The following ITFG1 variants were observed in gnomAD, a reference collection of about 807,000 sequenced individuals.
ITFG1 encodes the protein T-cell immunomodulatory protein.
A neutral mutation model predicts 81.8 loss-of-function variants in ITFG1; 34 were observed. The ratio of observed to expected loss-of-function variants is 0.42; its 90% CI spans 0.32 to 0.55. ITFG1 has a LOEUF of 0.55. ITFG1 is among the 20% of genes least tolerant of loss of function. ITFG1 has a pLI of 0.17. For synonymous variants in ITFG1, 285 were observed against 270.6 expected (o/e 1.05, Z -0.52); for missense variants, 672 against 755.4 (o/e 0.89, Z 1.29).
intron 10 of ITFG1, among the ~76,000 whole-genome samples, chr16:47,278,489 C>T (rs1966420328): frequency 1.3e-5 from 2 of 152,126 alleles, no homozygotes; most frequent in Non-Finnish European, 2.9e-5. Flanking sequence ...GAGCATTATG[C>T]ACAAGTGTCC....
At chr16:47,409,607 T>C (rs1338665891) in intron 6 of ITFG1, among the ~76,000 whole-genome samples, 2 of 148,966 alleles carry the variant, frequency 1.3e-5, no homozygotes, top group Non-Finnish European at 3.0e-5. Flanking sequence ...TTTGTAGAGA[T>C]GGAGTTTCAC....
At chr16:47,394,617 C>T (rs1483250297) in intron 6 of ITFG1, among the ~76,000 whole-genome samples, 1 of 151,776 alleles carries the variant, frequency 6.6e-6, no homozygotes, top group Non-Finnish European at 1.5e-5. Flanking sequence ...AATTAAGGTG[C>T]TTCCAAAAAT....
chr16:47,345,176 T>G (rs1967834795), intron 8 of ITFG1, among the ~76,000 whole-genome samples: 1 of 152,188 alleles, frequency 6.6e-6, no homozygotes, highest in Non-Finnish European at 1.5e-5. Context: ...GTGTCCAATC[T>G]TTTGGCTTCC....
At chr16:47,437,854 G>T (rs915661559) in intron 5 of ITFG1, among the ~76,000 whole-genome samples, 1 of 152,182 alleles carries the variant, frequency 6.6e-6, no homozygotes, top group Non-Finnish European at 1.5e-5. Flanking sequence ...TGGGTGCAGC[G>T]CACCGTGTGT....
chr16:47,238,064 C>T (rs1177963226), intron 12 of ITFG1, 56 bp from the exon 13 acceptor site: 4 of 936,916 alleles, frequency 4.3e-6, no homozygotes, highest in Non-Finnish European at 6.4e-6. Context: ...TTAAAGTGAG[C>T]TCTAATTTTC....
intron 10 of ITFG1, 114 bp from the exon 11 acceptor site, chr16:47,260,809 C>A: frequency 1.8e-6 from 2 of 1,106,962 alleles, no homozygotes; most frequent in East Asian, 2.5e-5. Context: ...TGAAATTACA[C>A]GAAAAAATCT....
chr16:47,252,896 G>C (rs983157259), intron 12 of ITFG1, among the ~76,000 whole-genome samples: 3 of 151,990 alleles, frequency 2.0e-5, no homozygotes, highest in African/African-American at 7.2e-5. Flanking sequence ...AGAGTGGAAG[G>C]GCATCTCAAA....
At chr16:47,205,580 T>C (rs749889533) in intron 14 of ITFG1, among the ~76,000 whole-genome samples, 3 of 152,188 alleles carry the variant, frequency 2.0e-5, no homozygotes, top group Non-Finnish European at 2.9e-5. Context: ...TCTGTGATTA[T>C]TCTAATAAAG....
At chr16:47,371,674 A>C (rs886924366) in intron 7 of ITFG1, among the ~76,000 whole-genome samples, 1 of 152,140 alleles carries the variant, frequency 6.6e-6, no homozygotes, top group African/African-American at 2.4e-5. Context: ...AGTGGTTCTC[A>C]ACTGAGGGAA....
intron 6 of ITFG1, among the ~76,000 whole-genome samples, chr16:47,384,320 T>C (rs147131149): frequency 6.6e-6 from 1 of 152,330 alleles, no homozygotes; most frequent in Non-Finnish European, 1.5e-5. Flanking sequence ...CAAAGTTAGT[T>C]ATTTAAAAAG....
At chr16:47,230,083 A>G (rs1010205856) in intron 13 of ITFG1, among the ~76,000 whole-genome samples, 1 of 152,212 alleles carries the variant, frequency 6.6e-6, no homozygotes, top group Non-Finnish European at 1.5e-5. Context: ...AGGGTTCAGT[A>G]CTATCCGAGG....
At chr16:47,278,298 T>C (rs1463653532) in intron 10 of ITFG1, among the ~76,000 whole-genome samples, 1 of 152,174 alleles carries the variant, frequency 6.6e-6, no homozygotes, top group East Asian at 1.9e-4. Flanking sequence ...TGTATCAGAA[T>C]AATCTGAACA....
chr16:47,273,639 G>A (rs955304725), intron 10 of ITFG1, among the ~76,000 whole-genome samples: 6 of 152,058 alleles, frequency 3.9e-5, no homozygotes, highest in Non-Finnish European at 1.5e-5. Context: ...AAAAGGAAGC[G>A]AGCATCTTTT....
chr16:47,353,210 TA>T lies in ITFG1; in HGVS notation c.802+12577del, dbSNP rs1247859638. ...TGTACCCTAGAACTTAAAGTATAAT[TA>T]AAAAAAATTAAAAAAAAGAATCACC... On this transcript the variant is annotated intron_variant, in intron 8 of 17. Transcript: ENST00000320640. Among the ~76,000 whole-genome samples, 4 of 151,040 alleles carry T rather than the reference TA, an allele frequency of 2.6e-5. 1 individual carries two copies. Among genetic ancestry groups the T allele is most frequent in the South Asian group, 4.2e-4 (2 of 4,784 alleles).
intron 2 of ITFG1, among the ~76,000 whole-genome samples, chr16:47,457,896 C>G (rs1418204466): frequency 2.0e-5 from 3 of 152,200 alleles, no homozygotes; most frequent in Admixed American, 6.5e-5. Flanking sequence ...AAACACTTCT[C>G]AAGGGAAATA....
At chr16:47,172,296 C>A (rs1964972169) in intron 14 of ITFG1, among the ~76,000 whole-genome samples, 2 of 152,142 alleles carry the variant, frequency 1.3e-5, no homozygotes, top group South Asian at 2.1e-4. Flanking sequence ...ACCAGCCAGG[C>A]CAACACGGCA....
chr16:47,410,791 G>C (rs775946917), intron 6 of ITFG1, among the ~76,000 whole-genome samples: 2 of 152,234 alleles, frequency 1.3e-5, no homozygotes, highest in Non-Finnish European at 2.9e-5. Context: ...AGAGTAGGCA[G>C]AGACAGAGAT....
At chr16:47,396,524 T>TTGTGTGTGTGTGTGTGTGTGTGTG (rs59625674) in intron 6 of ITFG1, among the ~76,000 whole-genome samples, 18 of 149,206 alleles carry the variant, frequency 1.2e-4, no homozygotes, top group African/African-American at 4.2e-4. Flanking sequence ...AATAATTATT[T>TTGTGTGTGTGTGTGTGTGTGTGTG]TGTGTGTGTG....
intron 6 of ITFG1, among the ~76,000 whole-genome samples, chr16:47,404,059 C>T (rs1350399162): frequency 2.0e-5 from 3 of 152,068 alleles, no homozygotes; most frequent in Admixed American, 2.0e-4. Flanking sequence ...ATGTAACGCC[C>T]TTGAATCATT....
Sources: gnomAD v4.1 joint callset for allele counts (sites outside exome capture counted in the v4.1 genomes callset) on GRCh38, gnomAD v4.1.1 for gene constraint, MANE v1.5 for transcripts, NCBI Gene and HGNC (gene_info 2026-07-23, HGNC 2026-07-21) for gene names.